Variants in CLASP2 observed in about 807,000 individuals in gnomAD.
CLASP2 encodes cytoplasmic linker associated protein 2, also known as CLIP-associating protein 2.
A neutral mutation model predicts 194.4 loss-of-function variants in CLASP2; 47 were observed. That is an observed-to-expected ratio of 0.24 (90% CI 0.19 to 0.31). The LOEUF is 0.31. Ranked by LOEUF, CLASP2 falls within the 10% of genes least tolerant of loss-of-function variation. The probability of loss-of-function intolerance (pLI) is 1.00; values close to 1 mark genes in which losing one functional copy is unlikely to be tolerated. For synonymous variants in CLASP2, 619 were observed against 633.5 expected (o/e 0.98, Z 0.34); for missense variants, 1,445 against 1,823.6 (o/e 0.79, Z 3.78).
chr3:33,559,045 G>T (rs2061390744), intron 29 of CLASP2: 3 of 539,864 alleles, frequency 5.6e-6, no homozygotes, highest in Non-Finnish European at 1.0e-5. Flanking sequence ...GCTTACAAAG[G>T]TTAGTAGTTG....
intron 27 of CLASP2, among the ~76,000 whole-genome samples, chr3:33,565,295 C>T (rs146096887): frequency 6.6e-6 from 1 of 152,224 alleles, no homozygotes; most frequent in Non-Finnish European, 1.5e-5. Context: ...TCTCCTGCCT[C>T]AGCCTTCTGT....
chr3:33,663,156 A>G (rs181638365), intron 7 of CLASP2, among the ~76,000 whole-genome samples: 15 of 150,476 alleles, frequency 1.0e-4, no homozygotes, highest in African/African-American at 1.5e-4. Flanking sequence ...GAAGGTCATC[A>G]TACCTCAACC....
chr3:33,521,767 A>G (rs1290277344), intron 34 of CLASP2, among the ~76,000 whole-genome samples: 1 of 152,162 alleles, frequency 6.6e-6, no homozygotes, highest in African/African-American at 2.4e-5. Context: ...TGATGTAACT[A>G]TTTTGGAACT....
chr3:33,584,233 T>C (rs1053301489), intron 22 of CLASP2, among the ~76,000 whole-genome samples: 3 of 151,800 alleles, frequency 2.0e-5, no homozygotes. Context: ...GTACTAGCTA[T>C]ATTTTTCAAA....
chr3:33,591,187 AAAAC>A (rs1196015944), intron 21 of CLASP2, among the ~76,000 whole-genome samples: 1 of 152,204 alleles, frequency 6.6e-6, no homozygotes, highest in African/African-American at 2.4e-5. Context: ...CAAAAAAAGA[AAAAC>A]AAATAGTGAA....
rs556437101 is a variant in CLASP2 at position 33,638,822 on chromosome 3, G to A, written c.862+5935C>T. Among the ~76,000 whole-genome samples, 203 of 152,234 alleles carry A rather than the reference G, an allele frequency of 1.3e-3. 1 individual carries two copies. Among genetic ancestry groups the A allele is most frequent in the Non-Finnish European group, 2.2e-3 (151 of 68,022 alleles). Reference sequence around the variant, plus strand: ...TCAACTATAATGATTCTAACTAATGGAAAATTCTTCATATGTGAGATCTAT... The same window carrying A: ...TCAACTATAATGATTCTAACTAATGAAAAATTCTTCATATGTGAGATCTAT... On this transcript the variant is annotated intron_variant, in intron 8 of 38. Coordinates refer to ENST00000682230, the MANE Select transcript of CLASP2 (RefSeq NM_001365631.1).
At chr3:33,677,647 A>G (rs547159400) in intron 6 of CLASP2, among the ~76,000 whole-genome samples, 149 of 151,526 alleles carry the variant, frequency 9.8e-4, no homozygotes, top group Non-Finnish European at 1.7e-3. Context: ...TGTCACATGT[A>G]TACATATGTA....
chr3:33,508,241 A>T (rs1407915270), intron 37 of CLASP2, among the ~76,000 whole-genome samples: 1 of 151,100 alleles, frequency 6.6e-6, no homozygotes, highest in African/African-American at 2.4e-5. Context: ...CTGGTCTCGA[A>T]CTTCCAGGCT....
rs781663448 is a variant in CLASP2, at chr3:33,560,935, T to C, written c.2803A>G (p.Ile935Val). 1.2e-6 allele frequency: 2 copies of C among 1,613,842 alleles called. No homozygotes were observed. The highest frequency in any genetic ancestry group is 1.1e-5 in the South Asian group (1 of 91,078). ...SMFLETLVDF[I>V]QVHKDDLQDW... Reference sequence around the variant, plus strand: ...TGAAGATCATCTTTGTGGACTTGTATGAAATCCACTAGAGTCTCCAAAAAC... The same window carrying C: ...TGAAGATCATCTTTGTGGACTTGTACGAAATCCACTAGAGTCTCCAAAAAC... The change falls in exon 28 of 39, where the codon ATA becomes GTA. Residue 935 changes from isoleucine (I) to valine (V), a missense_variant. Physicochemically the swap from Ile to Val is conservative, Grantham distance 29 (BLOSUM62 3). Around this residue, in one of 4 missense-constraint regions of CLASP2, gnomAD observed 732 missense variants for 987.9 expected, o/e 0.74. Coordinates refer to ENST00000682230, the MANE Select transcript of CLASP2 (RefSeq NM_001365631.1).
intron 27 of CLASP2, among the ~76,000 whole-genome samples, chr3:33,565,555 T>C (rs982693626): frequency 6.6e-6 from 1 of 152,180 alleles, no homozygotes; most frequent in Non-Finnish European, 1.5e-5. Context: ...GGCTCATGCC[T>C]GTAACCCAGA....
At chr3:33,621,316 T>A (rs2077071266) in intron 11 of CLASP2, among the ~76,000 whole-genome samples, 1 of 152,198 alleles carries the variant, frequency 6.6e-6, no homozygotes, top group Non-Finnish European at 1.5e-5. Context: ...AGTCATGTTT[T>A]AAGTGTATTT....
chr3:33,577,156 T>C, intron 23 of CLASP2: 1 of 1,339,846 alleles, frequency 7.5e-7, no homozygotes, highest in East Asian at 2.3e-5. Flanking sequence ...AAGGATAAAA[T>C]CTGAGATGAA....
At chr3:33,676,093 C>T (rs1185092747) in intron 6 of CLASP2, among the ~76,000 whole-genome samples, 8 of 152,090 alleles carry the variant, frequency 5.3e-5, no homozygotes, top group Non-Finnish European at 7.3e-5. Flanking sequence ...CTTTAAAGTT[C>T]ATATGGAACC....
Position 33,570,708 on chromosome 3 carries a change from C to G in CLASP2, c.2763+19G>C, listed in dbSNP as rs769751665. 1 of 1,585,472 alleles carries G rather than the reference C, an allele frequency of 6.3e-7. No individual in the cohort carries two copies. The highest frequency in any genetic ancestry group is 8.6e-7 in the Non-Finnish European group (1 of 1,165,454). ...ATGATACCCTATAGAAATAAATAATCTTAAATACTAAAACATACCTTGCCA... is the reference window on the plus strand; with the variant it reads ...ATGATACCCTATAGAAATAAATAATGTTAAATACTAAAACATACCTTGCCA... On this transcript the variant is annotated intron_variant, in intron 26 of 38. Transcript: ENST00000682230.
intron 18 of CLASP2, among the ~76,000 whole-genome samples, chr3:33,598,574 T>C (rs1398284446): frequency 2.6e-5 from 4 of 152,194 alleles, no homozygotes; most frequent in Non-Finnish European, 5.9e-5. Flanking sequence ...TCTACTGACT[T>C]GCCACCTTAG....
intron 30 of CLASP2, among the ~76,000 whole-genome samples, chr3:33,549,215 C>CA (rs2059622786): frequency 1.3e-5 from 2 of 152,234 alleles, no homozygotes; most frequent in South Asian, 2.1e-4. Context: ...TTCCCAGTCT[C>CA]TATTTCATTA....
chr3:33,672,394 A>G (rs1011188521), intron 6 of CLASP2, among the ~76,000 whole-genome samples: 1 of 152,236 alleles, frequency 6.6e-6, no homozygotes, highest in African/African-American at 2.4e-5. Context: ...CCTGTCTGTT[A>G]GAAGGAAAAC....
chr3:33,579,249 T>C (rs1026738190), intron 23 of CLASP2, among the ~76,000 whole-genome samples: 9 of 152,354 alleles, frequency 5.9e-5, no homozygotes, highest in African/African-American at 1.9e-4. Flanking sequence ...TCCTTTAATA[T>C]TAAAATTTAA....
At chr3:33,544,412 G>C (rs2058833933) in intron 31 of CLASP2, among the ~76,000 whole-genome samples, 1 of 152,098 alleles carries the variant, frequency 6.6e-6, no homozygotes, top group Non-Finnish European at 1.5e-5. Flanking sequence ...ATGGCTTCCA[G>C]CTGGTGCTCT....
Sources: allele counts gnomAD v4.1 joint callset (sites outside exome capture counted in the v4.1 genomes callset), GRCh38; gene constraint gnomAD v4.1.1; regional missense constraint gnomAD v4.1.1; transcripts MANE v1.5; gene names NCBI Gene and HGNC (gene_info 2026-07-23, HGNC 2026-07-21).